SH3D19: variants seen among roughly 807,000 people sequenced by gnomAD.
The protein encoded by SH3D19 is SH3 domain-containing protein 19.
In SH3D19, 58 loss-of-function variants were observed where a neutral mutation model predicts 112.1. That is an observed-to-expected ratio of 0.52 (90% CI 0.42 to 0.64). SH3D19 has a LOEUF of 0.64. SH3D19 is among the 30% of genes least tolerant of loss of function. The pLI, the probability that SH3D19 is intolerant of heterozygous loss-of-function variation, is 0.00. For synonymous variants in SH3D19, 391 were observed against 448.5 expected (o/e 0.87, Z 1.62); for missense variants, 1,090 against 1,263.4 (o/e 0.86, Z 2.08).
chr4:151,291,451 T>G (rs2407221), intron 1 of SH3D19: 1,482,264 of 1,598,984 alleles, frequency 0.93, 692,572 homozygotes, highest in Non-Finnish European at 0.97. Flanking sequence ...CAGGGGCAGA[T>G]AACTCACAGG....
At chr4:151,198,311 A>AT (rs1462483277) in intron 2 of SH3D19, among the ~76,000 whole-genome samples, 6 of 69,808 alleles carry the variant, frequency 8.6e-5, no homozygotes, top group Admixed American at 4.3e-4. Context: ...TCTCAAAAAA[A>AT]AAAAAAATAT....
chr4:151,311,751 G>A (rs1442134383), intron 1 of SH3D19, among the ~76,000 whole-genome samples: 3 of 152,088 alleles, frequency 2.0e-5, no homozygotes, highest in Admixed American at 2.0e-4. Context: ...GAGGTGGGAA[G>A]ACCATTTGAG....
At chr4:151,228,050 T>A (rs747411765) in intron 1 of SH3D19, 87 of 985,290 alleles carry the variant, frequency 8.8e-5, no homozygotes, top group Non-Finnish European at 1.0e-4. Flanking sequence ...CCTTCGTTCT[T>A]GGTTAAAACA....
At chr4:151,228,198 C>G (rs1436523794) in intron 1 of SH3D19, among the ~76,000 whole-genome samples, 1 of 152,044 alleles carries the variant, frequency 6.6e-6, no homozygotes, top group Non-Finnish European at 1.5e-5. Context: ...AAAATTTTCC[C>G]CCCAAATTCA....
At chr4:151,171,273 G>A (rs576321953) in intron 7 of SH3D19, among the ~76,000 whole-genome samples, 8 of 151,366 alleles carry the variant, frequency 5.3e-5, no homozygotes, top group African/African-American at 1.7e-4. Context: ...TCAAGGGAGA[G>A]AAAAGACTCT....
intron 1 of SH3D19, among the ~76,000 whole-genome samples, chr4:151,249,683 C>A (rs919712297): frequency 6.6e-6 from 1 of 151,814 alleles, no homozygotes; most frequent in African/African-American, 2.4e-5. Context: ...GATTTAGAAA[C>A]AACATTTTCA....
chr4:151,286,302 C>CA (rs879791941), intron 1 of SH3D19, among the ~76,000 whole-genome samples: 1 of 134,996 alleles, frequency 7.4e-6, no homozygotes, highest in Admixed American at 7.3e-5. Context: ...TAAACAAAAG[C>CA]AAAAGTTGGT....
rs1748277826 is a variant in SH3D19 at position 151,122,831 on chromosome 4, A to T, written c.3028-624T>A. Among the ~76,000 whole-genome samples, 6 of 147,828 alleles carry T rather than the reference A, an allele frequency of 4.1e-5. No homozygotes were observed. In the South Asian group the frequency reaches 1.3e-3, roughly 32 times the overall value. On this transcript the variant is annotated intron_variant, in intron 19 of 19. Transcript: ENST00000604030. ...AAGTCCTAGAGATGAGTACTATGTT[A>T]TCCTCATTTTAGAGACTTTTTTTTT...
chr4:151,138,374 T>G (rs1376335558), intron 13 of SH3D19, among the ~76,000 whole-genome samples: 1 of 152,128 alleles, frequency 6.6e-6, no homozygotes, highest in Non-Finnish European at 1.5e-5. Context: ...GCCTTGGATA[T>G]GAAGGGCATT....
At chr4:151,123,396 A>G (rs2897661) in intron 19 of SH3D19, among the ~76,000 whole-genome samples, 8,327 of 152,276 alleles carry the variant, frequency 0.055, 691 homozygotes, top group African/African-American at 0.18. Context: ...TTTGCACTCT[A>G]CATTTATTCT....
chr4:151,282,615 G>A (rs1410057364), intron 1 of SH3D19, among the ~76,000 whole-genome samples: 1 of 152,166 alleles, frequency 6.6e-6, no homozygotes, highest in Non-Finnish European at 1.5e-5. Flanking sequence ...ATCTTGCAGA[G>A]TCTAGCTATA....
intron 2 of SH3D19, among the ~76,000 whole-genome samples, chr4:151,203,883 T>C (rs1045895150): frequency 2.6e-5 from 4 of 152,216 alleles, no homozygotes; most frequent in Admixed American, 2.0e-4. Flanking sequence ...CATGCTAATA[T>C]TAAATTGCTG....
intron 1 of SH3D19, among the ~76,000 whole-genome samples, chr4:151,280,786 T>C (rs1033414012): frequency 6.6e-6 from 1 of 151,240 alleles, no homozygotes; most frequent in Admixed American, 6.6e-5. Flanking sequence ...TGAGACCCTG[T>C]CTCTAAAAAA....
chr4:151,260,672 T>C (rs1334466049), intron 1 of SH3D19, among the ~76,000 whole-genome samples: 1 of 152,166 alleles, frequency 6.6e-6, no homozygotes, highest in African/African-American at 2.4e-5. Context: ...CAGGCACCTA[T>C]AATAAAACCC....
At chr4:151,199,606 T>C (rs1764103547) in intron 2 of SH3D19, among the ~76,000 whole-genome samples, 2 of 152,154 alleles carry the variant, frequency 1.3e-5, no homozygotes, top group African/African-American at 2.4e-5. Flanking sequence ...CCCATCCCCA[T>C]TCATTCCCTC....
At chr4:151,185,074 T>G (rs1761568658) in intron 3 of SH3D19, among the ~76,000 whole-genome samples, 1 of 121,712 alleles carries the variant, frequency 8.2e-6, no homozygotes, top group African/African-American at 3.0e-5. Flanking sequence ...TTTTTAACTC[T>G]GACCATTCCT....
chr4:151,279,836 C>G (rs1195225737), intron 1 of SH3D19: 11 of 1,613,262 alleles, frequency 6.8e-6, no homozygotes, highest in Non-Finnish European at 9.3e-6. Flanking sequence ...TTGTAGGTGG[C>G]CAGGATGCTG....
In SH3D19 at chr4:151,125,845, C is replaced by CAAAAAAAAAA. The variant is rs66688611; in HGVS notation, c.3027+1763_3027+1772dup. Among the ~76,000 whole-genome samples the CAAAAAAAAAA allele has an allele frequency of 5.3e-4, 50 of 94,182 alleles. 3 individuals are homozygous for CAAAAAAAAAA. Among genetic ancestry groups the CAAAAAAAAAA allele is most frequent in the Non-Finnish European group, 6.8e-4 (32 of 47,190 alleles). The allele number at this position is 94,182 out of a possible 152,430, so 61.8% of individuals were successfully genotyped here. ...ACAGAGCGAGACTCCATCTCAAAAA[C>CAAAAAAAAAA]AAAAAAAAAAAAAAAAAAAAAGAAA... On this transcript the variant is annotated intron_variant, in intron 19 of 19. Transcript: ENST00000604030.
intron 2 of SH3D19, among the ~76,000 whole-genome samples, chr4:151,217,448 T>G (rs1767307661): frequency 6.6e-6 from 1 of 152,190 alleles, no homozygotes; most frequent in Non-Finnish European, 1.5e-5. Flanking sequence ...TACTAAACTA[T>G]GTGCTACAAA....
Sources: gnomAD v4.1 joint callset for allele counts (sites outside exome capture counted in the v4.1 genomes callset) on GRCh38, gnomAD v4.1.1 for gene constraint, MANE v1.5 for transcripts, NCBI Gene and HGNC (gene_info 2026-07-23, HGNC 2026-07-21) for gene names.